The following TOX variants were observed in gnomAD, a reference collection of about 807,000 sequenced individuals.
The protein encoded by TOX is thymocyte selection associated high mobility group box, also known as thymocyte selection-associated high mobility group box protein TOX.
A neutral mutation model predicts 53.7 loss-of-function variants in TOX; 11 were observed. The ratio of observed to expected loss-of-function variants is 0.20; its 90% CI spans 0.13 to 0.34. The LOEUF (loss-of-function observed/expected upper bound fraction) is 0.34, where lower values mean the gene tolerates loss of function less well. TOX is among the 10% of genes least tolerant of loss of function. The pLI is 1.00. For missense variants in TOX, 570 were observed against 664.6 expected (o/e 0.86, Z 1.56); for synonymous variants, 225 against 245.3 (o/e 0.92, Z 0.77).
At chr8:59,052,580 TC>T (rs577202327) in intron 1 of TOX, among the ~76,000 whole-genome samples, 1 of 152,180 alleles carries the variant, frequency 6.6e-6, no homozygotes, top group South Asian at 2.1e-4. Flanking sequence ...CAAGGTGCTC[TC>T]CCCCAGCAAT....
intron 3 of TOX, among the ~76,000 whole-genome samples, chr8:58,902,714 T>C (rs1811751488): frequency 6.6e-6 from 1 of 152,258 alleles, no homozygotes; most frequent in African/African-American, 2.4e-5. Context: ...TTCATGTTTC[T>C]TTCAAAAGCT....
intron 1 of TOX, among the ~76,000 whole-genome samples, chr8:59,080,259 G>A (rs1477816445): frequency 6.6e-6 from 1 of 152,132 alleles, no homozygotes; most frequent in African/African-American, 2.4e-5. Flanking sequence ...AGGATTACAG[G>A]CGTGAGCCAC....
intron 6 of TOX, among the ~76,000 whole-genome samples, chr8:58,820,872 AT>A (rs1810263332): frequency 6.6e-6 from 1 of 152,202 alleles, no homozygotes; most frequent in African/African-American, 2.4e-5. Flanking sequence ...ATGTGGTAAA[AT>A]GAAACTAGTT....
intron 5 of TOX, 26 bp from the exon 6 acceptor site, chr8:58,826,928 A>G (rs764142678): frequency 9.4e-6 from 15 of 1,600,026 alleles, no homozygotes; most frequent in Non-Finnish European, 1.1e-5. Flanking sequence ...AGAGTCTTAA[A>G]TTAGAAAGTG....
chr8:58,961,681 C>A (rs1487902645), intron 1 of TOX, among the ~76,000 whole-genome samples: 1 of 152,134 alleles, frequency 6.6e-6, no homozygotes, highest in Non-Finnish European at 1.5e-5. Flanking sequence ...GTGCCCACCA[C>A]CATGCCCAGC....
At chr8:58,900,722 C>A (rs915889723) in intron 3 of TOX, among the ~76,000 whole-genome samples, 1 of 151,802 alleles carries the variant, frequency 6.6e-6, no homozygotes, top group Non-Finnish European at 1.5e-5. Flanking sequence ...TTAATCACTG[C>A]AAATAAAGAA....
At chr8:58,930,533 C>A (rs1812239969) in intron 3 of TOX, among the ~76,000 whole-genome samples, 2 of 152,118 alleles carry the variant, frequency 1.3e-5, no homozygotes, top group South Asian at 4.1e-4. Flanking sequence ...AAAGAGAAAG[C>A]AATTCTTGAC....
At chr8:58,909,417 G>C (rs1239015820) in intron 3 of TOX, among the ~76,000 whole-genome samples, 3 of 152,056 alleles carry the variant, frequency 2.0e-5, no homozygotes, top group African/African-American at 7.2e-5. Flanking sequence ...CCCCCATCCT[G>C]TACATGCTGA....
chr8:58,864,503 GT>G (rs1350824434), intron 3 of TOX, among the ~76,000 whole-genome samples: 1 of 152,152 alleles, frequency 6.6e-6, no homozygotes, highest in Admixed American at 6.5e-5. Flanking sequence ...AATAACTTGG[GT>G]TTTTTCATTG....
chr8:58,862,661 T>C (rs541755600), intron 3 of TOX, among the ~76,000 whole-genome samples: 1 of 152,252 alleles, frequency 6.6e-6, no homozygotes, highest in African/African-American at 2.4e-5. Context: ...CACCGAACCA[T>C]GAAATTAGAA....
chr8:58,952,603 A>C (rs770423590), intron 2 of TOX, among the ~76,000 whole-genome samples: 15 of 152,172 alleles, frequency 9.9e-5, no homozygotes, highest in Non-Finnish European at 1.5e-4. Context: ...CCAATGCCTA[A>C]ATATGCTGGC....
intron 1 of TOX, among the ~76,000 whole-genome samples, chr8:59,067,009 T>C (rs758308783): frequency 6.6e-6 from 1 of 152,048 alleles, no homozygotes; most frequent in Non-Finnish European, 1.5e-5. Context: ...TAATAGACAT[T>C]GGGGTGGAGG....
At chr8:58,935,338 T>A (rs1380374369) in intron 3 of TOX, among the ~76,000 whole-genome samples, 1 of 152,208 alleles carries the variant, frequency 6.6e-6, no homozygotes, top group Non-Finnish European at 1.5e-5. Context: ...TACTAAAATG[T>A]CATCATGTGA....
chr8:58,838,455 AT>A (rs1264708294), intron 4 of TOX, 144 bp from the exon 5 acceptor site: 125 of 649,270 alleles, frequency 1.9e-4, no homozygotes, highest in Admixed American at 2.4e-4. Flanking sequence ...TTGTTTTGTT[AT>A]TTTTTTTTCC....
At chr8:59,115,782 C>G (rs183773834) in intron 1 of TOX, among the ~76,000 whole-genome samples, 13 of 152,186 alleles carry the variant, frequency 8.5e-5, no homozygotes, top group African/African-American at 3.1e-4. Flanking sequence ...CACACACTTG[C>G]CTTAACCAAC....
At chr8:59,083,340 A>G (rs1226703276) in intron 1 of TOX, among the ~76,000 whole-genome samples, 4 of 152,232 alleles carry the variant, frequency 2.6e-5, no homozygotes, top group Non-Finnish European at 2.9e-5. Context: ...TTAGTTCTGT[A>G]TATCATGATG....
At chr8:58,975,245 T>TACACAC (rs34016906) in intron 1 of TOX, among the ~76,000 whole-genome samples, 3 of 140,078 alleles carry the variant, frequency 2.1e-5, no homozygotes, top group African/African-American at 8.9e-5. Flanking sequence ...GATATATATA[T>TACACAC]ACACACACAC....
chr8:59,116,650 G>C (rs1805104646), intron 1 of TOX, among the ~76,000 whole-genome samples: 1 of 152,232 alleles, frequency 6.6e-6, no homozygotes. Flanking sequence ...AGATGGGCCA[G>C]AGATGTCCCT....
chr8:58,999,210 A>G (rs1322692140), intron 1 of TOX, among the ~76,000 whole-genome samples: 2 of 152,198 alleles, frequency 1.3e-5, no homozygotes, highest in African/African-American at 2.4e-5. Context: ...TTGAGAAATA[A>G]TTGACTTAAA....
Sources: gnomAD v4.1 joint callset for allele counts (sites outside exome capture counted in the v4.1 genomes callset) on GRCh38, gnomAD v4.1.1 for gene constraint, MANE v1.5 for transcripts, NCBI Gene and HGNC (gene_info 2026-07-23, HGNC 2026-07-21) for gene names.